Variants in CDH19 observed in about 807,000 individuals in gnomAD.
CDH19 encodes cadherin 19, also known as cadherin-19.
A neutral mutation model predicts 64.2 loss-of-function variants in CDH19; 67 were observed. That is an observed-to-expected ratio of 1.04 (90% confidence interval 0.86 to 1.28). The LOEUF is 1.28. Ranked by LOEUF, CDH19 falls within the 50% of genes most tolerant of loss-of-function variation. CDH19 has a pLI of 0.00. For missense variants in CDH19, 1,030 were observed against 929.0 expected (o/e 1.11, Z -1.41); for synonymous variants, 346 against 319.3 (o/e 1.08, Z -0.89).
intron 5 of CDH19, among the ~76,000 whole-genome samples, chr18:66,545,619 A>G (rs1474378715): frequency 2.0e-5 from 3 of 152,060 alleles, no homozygotes; most frequent in African/African-American, 7.2e-5. Context: ...CTTCAACCAT[A>G]CTAAATTAAA....
rs766974647 is a variant in CDH19 at position 66,544,086 on chromosome 18, G to C, written c.1099C>G (p.Pro367Ala). The change falls in exon 7 of 12, where the codon CCT becomes GCT. Residue 367 changes from proline to alanine, a missense_variant. By Grantham distance (27) the Pro-to-Ala change is conservative. Transcript: ENST00000262150. ...TAATATGGAAGGAGGAAAAGAGGAGGCTCATCAACATCTTCCACCTGGATC... is the reference window on the plus strand; with the variant it reads ...TAATATGGAAGGAGGAAAAGAGGAGCCTCATCAACATCTTCCACCTGGATC... The part of the protein sequence containing the change: ...IKIQVEDVDE[P>A]PLFLLPYYVF... The C allele has an allele frequency of 1.2e-6, 2 of 1,613,810 alleles. No individual in the cohort carries two copies. The highest frequency in any genetic ancestry group is 1.7e-6 in the Non-Finnish European group (2 of 1,179,900).
intron 1 of CDH19, among the ~76,000 whole-genome samples, chr18:66,577,926 T>A (rs1988312317): frequency 6.6e-6 from 1 of 151,970 alleles, no homozygotes; most frequent in Non-Finnish European, 1.5e-5. Context: ...ATATTCCACC[T>A]CTAGGCCAGC....
chr18:66,509,299 T>A, intron 10 of CDH19, 53 bp from the exon 11 acceptor site: 24 of 1,500,662 alleles, frequency 1.6e-5, no homozygotes, highest in Non-Finnish European at 2.1e-5. Flanking sequence ...GAGAAATTTG[T>A]ATGTAATAGT....
At chr18:66,539,160 T>C (rs936729172) in intron 7 of CDH19, among the ~76,000 whole-genome samples, 31 of 152,162 alleles carry the variant, frequency 2.0e-4, no homozygotes, top group Non-Finnish European at 4.0e-4. Context: ...AACTCACATA[T>C]TACTGGGCAT....
chr18:66,512,428 G>T (rs1005160568), intron 9 of CDH19, among the ~76,000 whole-genome samples: 1 of 151,426 alleles, frequency 6.6e-6, no homozygotes, highest in African/African-American at 2.4e-5. Context: ...GGAAATTAAA[G>T]TAAATTGATT....
chr18:66,586,866 G>A (rs762462901), intron 1 of CDH19, among the ~76,000 whole-genome samples: 2 of 151,922 alleles, frequency 1.3e-5, no homozygotes, highest in African/African-American at 4.8e-5. Flanking sequence ...TTTGGAATGC[G>A]TATTACCTAT....
At chr18:66,578,820 G>A (rs988076842) in intron 1 of CDH19, among the ~76,000 whole-genome samples, 5 of 151,962 alleles carry the variant, frequency 3.3e-5, no homozygotes, top group Non-Finnish European at 7.4e-5. Context: ...ACTCAGTAGT[G>A]AAAAGAAATG....
chr18:66,518,543 T>C (rs1220544322), intron 9 of CDH19, among the ~76,000 whole-genome samples: 2 of 152,156 alleles, frequency 1.3e-5, no homozygotes, highest in Admixed American at 6.5e-5. Flanking sequence ...CTAGGTTTAC[T>C]TTTATCTGAG....
chr18:66,523,314 A>G (rs1986073194), intron 9 of CDH19, among the ~76,000 whole-genome samples: 1 of 152,146 alleles, frequency 6.6e-6, no homozygotes, highest in South Asian at 2.1e-4. Context: ...GCAATCATAA[A>G]GATGTAAGGA....
At chr18:66,572,345 G>T in intron 1 of CDH19, 29 bp from the exon 2 acceptor site, 1 of 511,140 alleles carries the variant, frequency 2.0e-6, no homozygotes, top group African/African-American at 1.9e-5. Flanking sequence ...AACAAAATTT[G>T]ACATTTTAAA....
At chr18:66,535,409 G>T (rs1986623416) in intron 7 of CDH19, among the ~76,000 whole-genome samples, 1 of 151,120 alleles carries the variant, frequency 6.6e-6, no homozygotes, top group Non-Finnish European at 1.5e-5. Context: ...GACGAGTATT[G>T]ATCTCTTTCC....
At chr18:66,546,138 T>C (rs1987108231) in intron 5 of CDH19, among the ~76,000 whole-genome samples, 1 of 152,102 alleles carries the variant, frequency 6.6e-6, no homozygotes, top group Non-Finnish European at 1.5e-5. Flanking sequence ...GCACATATAA[T>C]AAAATTCTTC....
chr18:66,568,775 T>A (rs1026971782), intron 2 of CDH19, 65 bp from the exon 3 acceptor site: 409 of 1,355,292 alleles, frequency 3.0e-4, no homozygotes, highest in Non-Finnish European at 3.1e-4. Context: ...AAAATCAAGA[T>A]TTTCTTTTTA....
chr18:66,539,100 G>A lies in CDH19; in HGVS notation c.1215-3993C>T, dbSNP rs971330602. 5.9e-5 allele frequency among the ~76,000 whole-genome samples: 9 copies of A among 152,098 alleles called. No homozygotes were observed. The South Asian group carries it at 8.3e-4, about 14-fold the overall frequency. On this transcript the variant is annotated intron_variant, in intron 7 of 11. Coordinates refer to ENST00000262150, the MANE Select transcript of CDH19 (RefSeq NM_021153.4). The stretch of plus-strand genomic sequence containing the variant: ...TGGAAGAGGGATTGCTGGGTGTTGC[G>A]GTCAATATAAGTTTAATTTATAATA...
rs567253406 is a variant in CDH19 at position 66,537,679 on chromosome 18, A to T, written c.1215-2572T>A. On this transcript the variant is annotated intron_variant, in intron 7 of 11. Transcript: ENST00000262150. ...TTCTGGAACCACAAGATGCTCCAGG[A>T]TGATCTTGTCGTTTCCTTACAACAG... is the stretch of plus-strand genomic sequence containing the variant. Among the ~76,000 whole-genome samples the T allele has an allele frequency of 1.5e-3, 223 of 152,174 alleles. 2 individuals are homozygous for T. The highest frequency in any genetic ancestry group is 2.9e-3 in the Admixed American group (44 of 15,262).
chr18:66,546,538 A>G (rs1464052603), intron 5 of CDH19, among the ~76,000 whole-genome samples: 2 of 152,166 alleles, frequency 1.3e-5, no homozygotes, highest in African/African-American at 4.8e-5. Context: ...ACTTTCAAAA[A>G]TTATTTTATT....
At chr18:66,508,752 A>ACACACAC (rs1172178328) in intron 11 of CDH19, among the ~76,000 whole-genome samples, 7 of 4,582 alleles carry the variant, frequency 1.5e-3, no homozygotes, top group Non-Finnish European at 7.2e-3. Context: ...AGATGTGTAC[A>ACACACAC]TACATACTCA....
chr18:66,588,030 A>C (rs1025130990), intron 1 of CDH19, among the ~76,000 whole-genome samples: 2 of 152,178 alleles, frequency 1.3e-5, no homozygotes, highest in Non-Finnish European at 2.9e-5. Context: ...TTTCAGTGTA[A>C]TATTGATGAG....
In CDH19 at chr18:66,501,132, T is replaced by C. The variant is rs1022901807; in HGVS notation, c.*3680A>G. 5 of 152,108 alleles carry C rather than the reference T, an allele frequency of 3.3e-5. No homozygotes were observed. Among genetic ancestry groups the C allele is most frequent in the African/African-American group, 1.2e-4 (5 of 41,444 alleles). The allele number at this position is 152,108 out of a possible 1,614,324, so 9.4% of individuals were successfully genotyped here. A position where few individuals can be genotyped will look rare whatever the true frequency, so the allele number is the denominator to read the frequency against. Reference sequence around the variant, plus strand: ...ATTAATATTCTATAAAAATAGTCAATGGAAACCAAAAGAATTTCTACAAGT... The same window carrying C: ...ATTAATATTCTATAAAAATAGTCAACGGAAACCAAAAGAATTTCTACAAGT... On this transcript the variant is annotated 3_prime_UTR_variant, in exon 12 of 12. Coordinates refer to ENST00000262150, the MANE Select transcript of CDH19 (RefSeq NM_021153.4).
Sources: gnomAD v4.1 joint callset for allele counts (sites outside exome capture counted in the v4.1 genomes callset) on GRCh38, gnomAD v4.1.1 for gene constraint, MANE v1.5 for transcripts, NCBI Gene and HGNC (gene_info 2026-07-23, HGNC 2026-07-21) for gene names.